The following H2AZ2 variants were observed in gnomAD, a reference collection of about 807,000 sequenced individuals.
The protein encoded by H2AZ2 is H2A.Z variant histone 2, also known as histone H2A.V.
Under a neutral mutation model 15.5 loss-of-function variants are expected in H2AZ2, and 5 were observed. That is an observed-to-expected ratio of 0.32 (90% confidence interval 0.17 to 0.68). H2AZ2 has a LOEUF of 0.68. H2AZ2 is among the 30% of genes least tolerant of loss of function. H2AZ2 has a pLI of 0.72. For missense variants in H2AZ2, 42 were observed against 162.5 expected (o/e 0.26, Z 4.03); for synonymous variants, 44 against 57.4 (o/e 0.77, Z 1.05).
At chr7:44,831,242 T>G (rs766992225), downstream of H2AZ2, among the ~76,000 whole-genome samples, 6 of 152,200 alleles carry the variant, frequency 3.9e-5, no homozygotes, top group Non-Finnish European at 7.3e-5. Flanking sequence ...TGAAGTGATA[T>G]GATAGCTGGA....
At chr7:44,844,057 A>C (rs13246137) in intron 1 of H2AZ2, among the ~76,000 whole-genome samples, 110,192 of 149,026 alleles carry the variant, frequency 0.74, 43,728 homozygotes, top group Non-Finnish European at 0.9. Context: ...AAAAAAAAAA[A>C]CCTCAAAAAA....
intron 1 of H2AZ2, among the ~76,000 whole-genome samples, chr7:44,844,582 G>T (rs532787661): frequency 3.9e-5 from 6 of 152,302 alleles, no homozygotes; most frequent in African/African-American, 1.4e-4. Flanking sequence ...TTGAACTCCT[G>T]ACCTCAAGTG....
At chr7:44,836,346 A>C (rs1167729286) in intron 3 of H2AZ2, among the ~76,000 whole-genome samples, 5 of 152,030 alleles carry the variant, frequency 3.3e-5, no homozygotes, top group Non-Finnish European at 5.9e-5. Context: ...TGCTTTTAGA[A>C]GTTTTCAAAT....
At chr7:44,842,311 C>T (rs1432244976) in intron 2 of H2AZ2, among the ~76,000 whole-genome samples, 2 of 152,198 alleles carry the variant, frequency 1.3e-5, no homozygotes, top group South Asian at 2.1e-4. Context: ...GAAACTCATC[C>T]ATAACATAAA....
chr7:44,840,123 GGTTTGA>G (rs909233634), intron 3 of H2AZ2, among the ~76,000 whole-genome samples: 28 of 152,070 alleles, frequency 1.8e-4, no homozygotes, highest in Non-Finnish European at 3.8e-4. Flanking sequence ...GAACCCAGGA[GGTTTGA>G]GGTTGGAGTG....
At chr7:44,831,300 T>G (rs1792995200), downstream of H2AZ2, among the ~76,000 whole-genome samples, 1 of 152,220 alleles carries the variant, frequency 6.6e-6, no homozygotes, top group Admixed American at 6.5e-5. Flanking sequence ...GAAACGAGAC[T>G]GATCATAACT....
At chr7:44,827,421 G>C (rs766173435), downstream of H2AZ2, 2 of 152,118 alleles carry the variant, frequency 1.3e-5, no homozygotes, top group African/African-American at 2.4e-5. Flanking sequence ...GAGCAGGTGG[G>C]AGCGAGTGGG....
downstream of H2AZ2, chr7:44,830,224 T>C: frequency 6.7e-7 from 1 of 1,494,420 alleles, no homozygotes; most frequent in East Asian, 2.3e-5. Context: ...ATAAGGGCCA[T>C]CTCATAGATG....
intron 3 of H2AZ2, 42 bp from the exon 4 acceptor site, chr7:44,835,700 G>A (rs1793102979): frequency 6.6e-7 from 1 of 1,515,208 alleles, no homozygotes; most frequent in Non-Finnish European, 8.9e-7. Context: ...GAAGGACCTA[G>A]GATCCCAAAT....
intron 1 of H2AZ2, among the ~76,000 whole-genome samples, chr7:44,846,340 G>A (rs1026584459): frequency 4.6e-5 from 7 of 152,076 alleles, no homozygotes; most frequent in African/African-American, 1.7e-4. Context: ...AGAATTGGCC[G>A]TGCGCGGTGG....
chr7:44,830,401 T>C (rs1792983986), downstream of H2AZ2, among the ~76,000 whole-genome samples: 1 of 152,154 alleles, frequency 6.6e-6, no homozygotes, highest in East Asian at 1.9e-4. Context: ...AAGTCACATT[T>C]CTCATTAAAT....
At chr7:44,841,848 TG>T (rs1344273126) in intron 2 of H2AZ2, among the ~76,000 whole-genome samples, 2 of 152,254 alleles carry the variant, frequency 1.3e-5, no homozygotes, top group Non-Finnish European at 2.9e-5. Flanking sequence ...TCCTTTCCGC[TG>T]GTTCCTTTCC....
chr7:44,843,718 A>G (rs912256731), intron 1 of H2AZ2, among the ~76,000 whole-genome samples: 5 of 151,894 alleles, frequency 3.3e-5, no homozygotes, highest in Admixed American at 6.6e-5. Flanking sequence ...ACCACCACAC[A>G]TGGCTAATTT....
chr7:44,836,610 C>A (rs961429367), intron 3 of H2AZ2, among the ~76,000 whole-genome samples: 1 of 152,076 alleles, frequency 6.6e-6, no homozygotes, highest in South Asian at 2.1e-4. Context: ...CACCACCTCC[C>A]GGGTTCAAAC....
At position 44,834,481 on chromosome 7, in the gene H2AZ2, G is replaced by A. The variant is rs1793068887; in HGVS notation, c.*20C>T. Reference sequence around the variant, plus strand: ...TACAGTACAATGACGGGGAGGAAGAGGGTTGGTTAAAGCATCCCTCTAAGC... The same window carrying A: ...TACAGTACAATGACGGGGAGGAAGAAGGTTGGTTAAAGCATCCCTCTAAGC... On this transcript the variant is annotated 3_prime_UTR_variant, in exon 5 of 5. Coordinates refer to ENST00000308153, the MANE Select transcript of H2AZ2 (RefSeq NM_012412.5). The A allele has an allele frequency of 6.2e-7, 1 of 1,606,358 alleles. No homozygotes were observed. Among genetic ancestry groups the A allele is most frequent in the African/African-American group, 1.3e-5 (1 of 74,710 alleles).
chr7:44,842,228 C>T (rs1793291684), intron 2 of H2AZ2, among the ~76,000 whole-genome samples: 1 of 152,118 alleles, frequency 6.6e-6, no homozygotes, highest in Admixed American at 6.6e-5. Flanking sequence ...TCTGACTACT[C>T]CTCAGCCTTT....
In H2AZ2 at chr7:44,834,190, T is replaced by C. The variant is rs921759012; in HGVS notation, c.*311A>G. On this transcript the variant is annotated 3_prime_UTR_variant, in exon 5 of 5. Transcript: ENST00000308153. The stretch of plus-strand genomic sequence containing the variant: ...AAATATTTAAAGTCTGAGTAAAATA[T>C]TTCTAATACATCATGAACAGAACAG... 9 of 1,074,298 alleles carry C rather than the reference T, an allele frequency of 8.4e-6. No individual in the cohort carries two copies. The highest frequency in any genetic ancestry group is 1.0e-5 in the Non-Finnish European group (9 of 880,300). 66.5% of individuals were successfully genotyped at this position (1,074,298 alleles called of 1,614,324 possible).
At chr7:44,843,496 A>C in intron 1 of H2AZ2, 142 bp from the exon 2 acceptor site, 1 of 604,396 alleles carries the variant, frequency 1.7e-6, no homozygotes, top group East Asian at 2.8e-5. Context: ...GTAAATATAC[A>C]TGGGATTCTA....
chr7:44,831,987 T>A lies in H2AZ2; in HGVS notation c.*2514A>T, dbSNP rs960793381. Among the ~76,000 whole-genome samples the A allele has an allele frequency of 1.4e-4, 22 of 152,172 alleles. No individual in the cohort carries two copies. The highest frequency in any genetic ancestry group is 2.6e-4 in the Non-Finnish European group (18 of 68,040). On this transcript the variant is annotated 3_prime_UTR_variant, in exon 5 of 5. Coordinates refer to ENST00000308153, the MANE Select transcript of H2AZ2 (RefSeq NM_012412.5). ...AACAGAACAACAGAAGCCCTCTAGA[T>A]CTGTCAGTTTATAGAACATATAGGG...
Sources: gnomAD v4.1 joint callset for allele counts (sites outside exome capture counted in the v4.1 genomes callset) on GRCh38, gnomAD v4.1.1 for gene constraint, MANE v1.5 for transcripts, NCBI Gene and HGNC (gene_info 2026-07-23, HGNC 2026-07-21) for gene names.